The following CAPZB variants were observed in gnomAD, a reference collection of about 807,000 sequenced individuals.
CAPZB encodes the protein F-actin-capping protein subunit beta.
A neutral mutation model predicts 38.1 loss-of-function variants in CAPZB; 2 were observed. The observed-to-expected ratio is 0.05, with a 90% CI of 0.02 to 0.17. The LOEUF is 0.17. CAPZB is among the 10% of genes least tolerant of loss of function. The pLI, the probability that CAPZB is intolerant of heterozygous loss-of-function variation, is 1.00. For synonymous variants in CAPZB, 107 were observed against 127.4 expected (o/e 0.84, Z 1.08); for missense variants, 161 against 334.2 (o/e 0.48, Z 4.04).
chr1:19,448,405 TG>T (rs1208186808), intron 1 of CAPZB, among the ~76,000 whole-genome samples: 2 of 152,206 alleles, frequency 1.3e-5, no homozygotes, highest in Non-Finnish European at 2.9e-5. Context: ...TGTTTAGAGA[TG>T]GAAAATAATA....
chr1:19,371,481 T>C (rs1375981713), intron 4 of CAPZB, among the ~76,000 whole-genome samples: 1 of 152,094 alleles, frequency 6.6e-6, no homozygotes, highest in African/African-American at 2.4e-5. Context: ...GCCCACAGCA[T>C]GGGTAAGGAA....
chr1:19,396,459 A>G (rs1271016698), intron 2 of CAPZB, among the ~76,000 whole-genome samples: 1 of 152,122 alleles, frequency 6.6e-6, no homozygotes, highest in Non-Finnish European at 1.5e-5. Context: ...AGTTGGATGA[A>G]GGTGTGCACC....
At chr1:19,485,017 G>A (rs987689953) in intron 1 of CAPZB, among the ~76,000 whole-genome samples, 15 of 152,062 alleles carry the variant, frequency 9.9e-5, no homozygotes, top group Non-Finnish European at 1.9e-4. Flanking sequence ...ATGGCAGGGA[G>A]AAACGACGGC....
chr1:19,391,842 G>A (rs1244997121), intron 2 of CAPZB, among the ~76,000 whole-genome samples: 7 of 152,158 alleles, frequency 4.6e-5, no homozygotes, highest in Non-Finnish European at 1.0e-4. Context: ...GATGGACATG[G>A]GCGGCCCTGC....
intron 1 of CAPZB, among the ~76,000 whole-genome samples, chr1:19,463,653 G>C (rs760877667): frequency 2.0e-5 from 3 of 152,076 alleles, no homozygotes; most frequent in Non-Finnish European, 2.9e-5. Context: ...TTTCCTTTGA[G>C]GCCCCAGGAG....
chr1:19,478,584 G>A (rs566995232), intron 1 of CAPZB, among the ~76,000 whole-genome samples: 2 of 152,322 alleles, frequency 1.3e-5, no homozygotes, highest in South Asian at 4.1e-4. Context: ...ACGGAAAAAC[G>A]CAGGCAAGCA....
intron 1 of CAPZB, among the ~76,000 whole-genome samples, chr1:19,422,815 T>C (rs529664369): frequency 4.6e-5 from 7 of 152,168 alleles, no homozygotes; most frequent in Admixed American, 3.3e-4. Flanking sequence ...CTCAACTAGA[T>C]ATTAGCAATC....
At chr1:19,384,786 T>TA (rs2094194997) in intron 3 of CAPZB, among the ~76,000 whole-genome samples, 2 of 152,092 alleles carry the variant, frequency 1.3e-5, no homozygotes, top group Non-Finnish European at 2.9e-5. Flanking sequence ...TTCCCACTCT[T>TA]AAAAAATAGA....
At chr1:19,368,029 C>T (rs2094099604) in intron 4 of CAPZB, among the ~76,000 whole-genome samples, 1 of 152,184 alleles carries the variant, frequency 6.6e-6, no homozygotes, top group Non-Finnish European at 1.5e-5. Flanking sequence ...GCTTCCAAGT[C>T]ATCACTCTCA....
chr1:19,353,059 G>C (rs1473017726), intron 6 of CAPZB, among the ~76,000 whole-genome samples: 4 of 152,254 alleles, frequency 2.6e-5, no homozygotes, highest in African/African-American at 9.6e-5. Context: ...GAAACAGGAA[G>C]ACAAGGGTGC....
chr1:19,469,741 T>TACACACACAC (rs60330360), intron 1 of CAPZB, among the ~76,000 whole-genome samples: 3,374 of 136,668 alleles, frequency 0.025, 88 homozygotes, highest in East Asian at 0.038. Flanking sequence ...AGGAAAAGAA[T>TACACACACAC]ACACACACAC....
intron 1 of CAPZB, among the ~76,000 whole-genome samples, chr1:19,471,564 CGT>C (rs535205188): frequency 1.1e-5 from 1 of 90,082 alleles, no homozygotes; most frequent in East Asian, 2.9e-4. Flanking sequence ...TTGTCTGTTA[CGT>C]CGAGAAATGC....
intron 1 of CAPZB, among the ~76,000 whole-genome samples, chr1:19,447,856 C>G (rs189638741): frequency 6.6e-6 from 1 of 152,340 alleles, no homozygotes; most frequent in African/African-American, 2.4e-5. Flanking sequence ...TCTAAGCAAT[C>G]GGCAACTAAC....
At chr1:19,464,442 C>G (rs2094562514) in intron 1 of CAPZB, among the ~76,000 whole-genome samples, 1 of 151,762 alleles carries the variant, frequency 6.6e-6, no homozygotes, top group Admixed American at 6.6e-5. Flanking sequence ...CAGGTGCCCG[C>G]CACCATGCCC....
Position 19,404,291 on chromosome 1 carries a change from C to A in CAPZB, c.93+15370G>T, listed in dbSNP as rs181220181. ...GGGCGCAGTGGCTCATGCCTGTAATCTCAGCACTTTGGGAGGCCGAGGCAG... is the reference window on the plus strand; with the variant it reads ...GGGCGCAGTGGCTCATGCCTGTAATATCAGCACTTTGGGAGGCCGAGGCAG... On this transcript the variant is annotated intron_variant, in intron 2 of 8. Transcript: ENST00000264202. Among the ~76,000 whole-genome samples the A allele has an allele frequency of 2.2e-3, 321 of 146,916 alleles. 2 individuals are homozygous for A. Among genetic ancestry groups the A allele is most frequent in the Middle Eastern group, 7.5e-3 (2 of 266 alleles).
At chr1:19,437,509 A>C (rs2094461922) in intron 1 of CAPZB, among the ~76,000 whole-genome samples, 2 of 152,210 alleles carry the variant, frequency 1.3e-5, no homozygotes, top group South Asian at 4.1e-4. Flanking sequence ...TCCTGTCTTC[A>C]GGTCTTGTCA....
intron 1 of CAPZB, chr1:19,449,470 T>C: frequency 2.9e-6 from 1 of 340,036 alleles, no homozygotes; most frequent in Non-Finnish European, 4.2e-6. Context: ...ACGAAACAGC[T>C]AAACCCAGGT....
intron 4 of CAPZB, among the ~76,000 whole-genome samples, chr1:19,366,280 T>TAA (rs1558189676): frequency 1.1e-4 from 8 of 70,534 alleles, no homozygotes; most frequent in African/African-American, 5.3e-4. Flanking sequence ...GACCGTGTCT[T>TAA]AAAATATATA....
At chr1:19,415,901 A>T (rs72965258) in intron 2 of CAPZB, among the ~76,000 whole-genome samples, 8,462 of 152,320 alleles carry the variant, frequency 0.056, 759 homozygotes, top group African/African-American at 0.19. Context: ...TTGAAAAGTC[A>T]TGCTCCATTT....
Sources: gnomAD v4.1 joint callset for allele counts (sites outside exome capture counted in the v4.1 genomes callset) on GRCh38, gnomAD v4.1.1 for gene constraint, MANE v1.5 for transcripts, NCBI Gene and HGNC (gene_info 2026-07-23, HGNC 2026-07-21) for gene names.